EYS: variants seen among roughly 807,000 people sequenced by gnomAD.
EYS encodes EGF-like photoreceptor maintenance factor.
EYS carries 250 observed loss-of-function variants against 282.1 expected under a neutral mutation model. That is an observed-to-expected ratio of 0.89 (90% CI 0.80 to 0.98). The LOEUF (loss-of-function observed/expected upper bound fraction) is 0.98. EYS is among the 50% of genes least tolerant of loss of function. EYS has a pLI of 0.00. For missense variants in EYS, 4,016 were observed against 3,709.0 expected, an observed-to-expected ratio of 1.08 and a Z score of -2.15; for synonymous variants, 1,355 against 1,282.9, an observed-to-expected ratio of 1.06 and a Z score of -1.20.
intron 26 of EYS, among the ~76,000 whole-genome samples, chr6:64,488,233 G>T (rs1644693889): frequency 6.6e-6 from 1 of 150,714 alleles, no homozygotes; most frequent in Non-Finnish European, 1.5e-5. Context: ...CCTTAATTTG[G>T]CCAAATTCTA....
chr6:64,799,339 T>C (rs1774462321), intron 22 of EYS, among the ~76,000 whole-genome samples: 1 of 151,934 alleles, frequency 6.6e-6, no homozygotes, highest in African/African-American at 2.4e-5. Context: ...GCATACCTCC[T>C]GTTGAAGCCT....
chr6:64,069,373 T>A (rs1003988906), intron 32 of EYS, among the ~76,000 whole-genome samples: 49 of 152,086 alleles, frequency 3.2e-4, no homozygotes, highest in African/African-American at 1.2e-3. Context: ...ATATATATAT[T>A]TTACTATTTT....
At chr6:65,585,238 T>C (rs895731903) in intron 2 of EYS, among the ~76,000 whole-genome samples, 2 of 151,946 alleles carry the variant, frequency 1.3e-5, no homozygotes, top group Non-Finnish European at 2.9e-5. Context: ...CCATTTCATG[T>C]CATCATTTTC....
intron 36 of EYS, among the ~76,000 whole-genome samples, chr6:63,827,850 C>CAAAAAA (rs58843584): frequency 1.5e-4 from 13 of 85,018 alleles, no homozygotes; most frequent in Admixed American, 4.0e-4. Flanking sequence ...GACTCCGTCT[C>CAAAAAA]AAAAAAAAAA....
intron 2 of EYS, among the ~76,000 whole-genome samples, chr6:65,614,705 C>A (rs1391739662): frequency 2.6e-5 from 4 of 151,584 alleles, no homozygotes; most frequent in African/African-American, 9.8e-5. Flanking sequence ...TCAATTACAG[C>A]AAATAAATGA....
chr6:64,137,587 A>T (rs934277769), intron 31 of EYS, among the ~76,000 whole-genome samples: 1 of 152,144 alleles, frequency 6.6e-6, no homozygotes, highest in African/African-American at 2.4e-5. Context: ...CAGTATCATT[A>T]TCATTGTGTC....
At chr6:64,064,133 A>T (rs1771280089) in intron 33 of EYS, among the ~76,000 whole-genome samples, 1 of 152,130 alleles carries the variant, frequency 6.6e-6, no homozygotes, top group South Asian at 2.1e-4. Context: ...TTCCTGCATC[A>T]TGTTTCTTTC....
At chr6:64,671,116 A>T (rs1032072723) in intron 22 of EYS, among the ~76,000 whole-genome samples, 1 of 152,190 alleles carries the variant, frequency 6.6e-6, no homozygotes, top group African/African-American at 2.4e-5. Context: ...AAAACACTGA[A>T]GAAATGTATC....
intron 35 of EYS, among the ~76,000 whole-genome samples, chr6:63,907,542 T>A (rs2149735465): frequency 6.6e-6 from 1 of 152,344 alleles, no homozygotes; most frequent in Non-Finnish European, 1.5e-5. Context: ...ATATAGCCCT[T>A]TTCTGTGTTC....
intron 21 of EYS, among the ~76,000 whole-genome samples, chr6:64,818,108 G>T (rs1764794136): frequency 6.6e-6 from 1 of 151,932 alleles, no homozygotes; most frequent in African/African-American, 2.4e-5. Context: ...AAATAATACT[G>T]CTTCCATGTA....
intron 14 of EYS, among the ~76,000 whole-genome samples, chr6:64,986,753 AGTT>A (rs1169021416): frequency 1.3e-5 from 2 of 148,744 alleles, no homozygotes; most frequent in Non-Finnish European, 3.0e-5. Flanking sequence ...TTTAAATTTT[AGTT>A]AAAATTGATG....
chr6:65,170,919 C>A (rs1421652644), intron 12 of EYS, among the ~76,000 whole-genome samples: 1 of 151,388 alleles, frequency 6.6e-6, no homozygotes, highest in Non-Finnish European at 1.5e-5. Context: ...CAAATGATAA[C>A]AGTTTTCACC....
intron 35 of EYS, among the ~76,000 whole-genome samples, chr6:63,900,586 T>C (rs1397722140): frequency 6.6e-6 from 1 of 152,108 alleles, no homozygotes. Flanking sequence ...CACACAGGTG[T>C]AGAGGAGATA....
intron 30 of EYS, among the ~76,000 whole-genome samples, chr6:64,280,048 G>T (rs1198237018): frequency 2.6e-5 from 4 of 152,106 alleles, no homozygotes; most frequent in Admixed American, 1.3e-4. Flanking sequence ...TGCCCATTAT[G>T]TCATGTTTTT....
intron 37 of EYS, among the ~76,000 whole-genome samples, chr6:63,792,089 G>A (rs1264758793): frequency 6.6e-6 from 1 of 151,958 alleles, no homozygotes; most frequent in African/African-American, 2.4e-5. Flanking sequence ...GTCAGTCATG[G>A]AGTTAGGACC....
intron 26 of EYS, among the ~76,000 whole-genome samples, chr6:64,543,503 T>A (rs1764751684): frequency 1.3e-5 from 2 of 152,114 alleles, no homozygotes; most frequent in Admixed American, 6.5e-5. Context: ...CAAATGATAG[T>A]TGTGGTATTA....
intron 28 of EYS, among the ~76,000 whole-genome samples, chr6:64,435,860 A>G (rs896532599): frequency 1.3e-5 from 2 of 151,786 alleles, no homozygotes; most frequent in Admixed American, 1.3e-4. Context: ...ACTGAATATA[A>G]TTTACTTTGT....
chr6:65,486,947 G>A (rs1765803269), intron 5 of EYS, among the ~76,000 whole-genome samples: 3 of 152,074 alleles, frequency 2.0e-5, no homozygotes, highest in Admixed American at 2.0e-4. Context: ...TTGTGAATGG[G>A]AGTTCACTCA....
intron 21 of EYS, among the ~76,000 whole-genome samples, chr6:64,815,453 A>C (rs9354152): frequency 0.43 from 65,330 of 151,812 alleles, 15,293 homozygotes; most frequent in Admixed American, 0.62. Context: ...TTAGACTGCC[A>C]AAAGTTCTGT....
Sources: gnomAD v4.1 joint callset for allele counts (sites outside exome capture counted in the v4.1 genomes callset) on GRCh38, gnomAD v4.1.1 for gene constraint, MANE v1.5 for transcripts, NCBI Gene and HGNC (gene_info 2026-07-23, HGNC 2026-07-21) for gene names.